The following ZNF184 variants were observed in gnomAD, a reference collection of about 807,000 sequenced individuals.
ZNF184 encodes zinc finger protein 184 (Kruppel-like).
Under a neutral mutation model 54.4 loss-of-function variants are expected in ZNF184, and 16 were observed. That is an observed-to-expected ratio of 0.29 (90% confidence interval 0.20 to 0.45). The LOEUF (loss-of-function observed/expected upper bound fraction) is 0.45. Among genes scored for constraint, ZNF184 ranks in the 20% least tolerant of loss-of-function variants. The pLI, the probability that ZNF184 is intolerant of heterozygous loss-of-function variation, is 1.00. For missense variants in ZNF184, 681 were observed against 888.2 expected (o/e 0.77, Z 2.97); for synonymous variants, 254 against 295.3 (o/e 0.86, Z 1.43).
At chr6:27,422,164 G>GAAAGAA in the ZNF184 span, among the ~76,000 whole-genome samples, 11 of 39,462 alleles carry the variant, frequency 2.8e-4, 3 homozygotes, top group South Asian at 0.014. Flanking sequence ...AAGAAAGAAA[G>GAAAGAA]AAAGAAAGAA....
chr6:27,438,828 C>G, the ZNF184 span, among the ~76,000 whole-genome samples: 14,944 of 152,060 alleles, frequency 0.098, 996 homozygotes, highest in African/African-American at 0.18. Flanking sequence ...TTTCTAGCAG[C>G]CAAAATTATA....
At chr6:27,424,257 G>A in the ZNF184 span, among the ~76,000 whole-genome samples, 3 of 152,194 alleles carry the variant, frequency 2.0e-5, no homozygotes, top group Non-Finnish European at 4.4e-5. Flanking sequence ...GCAGACTTTT[G>A]TGATGACTTT....
chr6:27,407,890 T>G, the ZNF184 span: 1 of 872,786 alleles, frequency 1.1e-6, no homozygotes, highest in South Asian at 1.3e-5. Context: ...GCACCACTAA[T>G]GAGTGAAGAT....
At chr6:27,436,182 GT>G in the ZNF184 span, among the ~76,000 whole-genome samples, 12 of 151,448 alleles carry the variant, frequency 7.9e-5, 1 homozygote, top group Admixed American at 5.3e-4. Context: ...TTTTGTTGTT[GT>G]TTTTTTTCTG....
chr6:27,413,336 A>G, the ZNF184 span, among the ~76,000 whole-genome samples: 2 of 152,258 alleles, frequency 1.3e-5, no homozygotes, highest in African/African-American at 2.4e-5. Context: ...CATACCTTTT[A>G]TGGTTTGGGG....
intron 3 of ZNF184, among the ~76,000 whole-genome samples, chr6:27,460,483 G>A (rs1034136380): frequency 1.3e-5 from 2 of 152,168 alleles, no homozygotes; most frequent in African/African-American, 4.8e-5. Flanking sequence ...GAAGTGATAC[G>A]GAGAGAAGGG....
intron 3 of ZNF184, among the ~76,000 whole-genome samples, chr6:27,465,168 AAAAAAG>A (rs1218185327): frequency 2.8e-5 from 3 of 107,054 alleles, no homozygotes; most frequent in African/African-American, 6.5e-5. Flanking sequence ...TTATTTAAAA[AAAAAAG>A]AAAAGAAAAG....
chr6:27,463,736 AC>A (rs1310979332), intron 3 of ZNF184, among the ~76,000 whole-genome samples: 1 of 152,162 alleles, frequency 6.6e-6, no homozygotes, highest in African/African-American at 2.4e-5. Context: ...AACAACAGTA[AC>A]TTTTTTGTTA....
chr6:27,463,508 G>A (rs1250189494), intron 3 of ZNF184, among the ~76,000 whole-genome samples: 5 of 152,014 alleles, frequency 3.3e-5, no homozygotes, highest in Non-Finnish European at 5.9e-5. Context: ...CCTGCTTTAT[G>A]TGTGATTGGA....
chr6:27,429,411 C>A, the ZNF184 span, among the ~76,000 whole-genome samples: 1 of 152,288 alleles, frequency 6.6e-6, no homozygotes, highest in Middle Eastern at 3.4e-3. Flanking sequence ...CTTTTCTGCA[C>A]TCAGCAATGT....
At chr6:27,429,127 T>G in the ZNF184 span, among the ~76,000 whole-genome samples, 1 of 152,192 alleles carries the variant, frequency 6.6e-6, no homozygotes, top group Non-Finnish European at 1.5e-5. Context: ...CTCCTTGCTT[T>G]CTTTCTTGGT....
chr6:27,444,545 A>G, the ZNF184 span, among the ~76,000 whole-genome samples: 1 of 152,178 alleles, frequency 6.6e-6, no homozygotes, highest in Non-Finnish European at 1.5e-5. Context: ...CCATTATGGA[A>G]AACTCAAGTA....
chr6:27,422,148 A>AAAAAAAGAAAGAAAG, the ZNF184 span, among the ~76,000 whole-genome samples: 318 of 43,318 alleles, frequency 7.3e-3, 2 homozygotes, highest in African/African-American at 0.014. Context: ...CTCAAAAAAA[A>AAAAAAAGAAAGAAAG]AAAGAAAGAA....
chr6:27,441,340 C>T, the ZNF184 span, among the ~76,000 whole-genome samples: 2 of 152,114 alleles, frequency 1.3e-5, no homozygotes, highest in Non-Finnish European at 2.9e-5. Flanking sequence ...CTCAGCCTCC[C>T]GAGTATCTGG....
chr6:27,462,349 C>G (rs559021038), intron 3 of ZNF184, among the ~76,000 whole-genome samples: 34 of 151,950 alleles, frequency 2.2e-4, no homozygotes, highest in Admixed American at 1.8e-3. Flanking sequence ...AGGTGCCCGC[C>G]ACCACACCCG....
At chr6:27,442,565 C>G in the ZNF184 span, among the ~76,000 whole-genome samples, 4 of 151,816 alleles carry the variant, frequency 2.6e-5, no homozygotes, top group Non-Finnish European at 5.9e-5. Context: ...AGGCTGCACT[C>G]CAGCCTGGGC....
At chr6:27,416,112 T>C in the ZNF184 span, among the ~76,000 whole-genome samples, 1 of 152,222 alleles carries the variant, frequency 6.6e-6, no homozygotes, top group Non-Finnish European at 1.5e-5. Flanking sequence ...TGAGTCATAC[T>C]GGATTAGGGC....
Position 27,452,179 on chromosome 6 carries a change from G to C in ZNF184, c.1380C>G (p.Ser460=). 1 of 1,614,014 alleles carries C rather than the reference G, an allele frequency of 6.2e-7. No individual in the cohort carries two copies. The highest frequency in any genetic ancestry group is 1.1e-5 in the South Asian group (1 of 91,064). ...ECGKSFSYWS[S]LAQHLKIHTG... ...TATGAATTTTCAGGTGTTGAGCAAG[G>C]GATGACCAGTAACTAAAAGATTTTC... Residue 460 remains serine, a synonymous_variant, in exon 6 of 6, where the codon TCC becomes TCG. Coordinates refer to ENST00000683788, the MANE Select transcript of ZNF184 (RefSeq NM_001318891.2). The surrounding 1 kb of genome is among the most constrained non-coding windows in gnomAD (Gnocchi z 5.5).
the ZNF184 span, among the ~76,000 whole-genome samples, chr6:27,442,826 GAA>G: frequency 2.1e-3 from 144 of 69,196 alleles, 18 homozygotes; most frequent in African/African-American, 5.7e-3. Context: ...AAGAAAGAAA[GAA>G]AGAAAGAAAG....
Sources: allele counts gnomAD v4.1 joint callset (sites outside exome capture counted in the v4.1 genomes callset), GRCh38; gene constraint gnomAD v4.1.1; non-coding constraint Gnocchi (gnomAD v3.1); transcripts MANE v1.5; gene names NCBI Gene and HGNC (gene_info 2026-07-23, HGNC 2026-07-21).